The following NRXN1 variants were observed in gnomAD, a reference collection of about 807,000 sequenced individuals.
The protein encoded by NRXN1 is neurexin 1.
NRXN1 carries 39 observed loss-of-function variants against 150.9 expected under a neutral mutation model. That is an observed-to-expected ratio of 0.26 (90% CI 0.20 to 0.34). The LOEUF is 0.34. Among genes scored for constraint, NRXN1 ranks in the 10% least tolerant of loss-of-function variants. The pLI, the probability that NRXN1 is intolerant of heterozygous loss-of-function variation, is 1.00. For synonymous variants in NRXN1, 924 were observed against 757.0 expected, an observed-to-expected ratio of 1.22 and a Z score of -3.62; for missense variants, 1,815 against 1,949.9, an observed-to-expected ratio of 0.93 and a Z score of 1.30.
chr2:49,980,178 G>A (rs1679752685), intron 21 of NRXN1, among the ~76,000 whole-genome samples: 1 of 152,122 alleles, frequency 6.6e-6, no homozygotes, highest in African/African-American at 2.4e-5. Context: ...ATCAGAACTA[G>A]CGTTCCAGAA....
At chr2:50,051,640 A>T (rs1185593669) in intron 21 of NRXN1, among the ~76,000 whole-genome samples, 4 of 152,104 alleles carry the variant, frequency 2.6e-5, no homozygotes, top group Non-Finnish European at 5.9e-5. Flanking sequence ...CTAAAGTCAC[A>T]AGTCTTTATC....
At chr2:50,012,189 C>T (rs547736370) in intron 21 of NRXN1, among the ~76,000 whole-genome samples, 1 of 152,120 alleles carries the variant, frequency 6.6e-6, no homozygotes, top group South Asian at 2.1e-4. Context: ...GAAAACAAAC[C>T]ATCCATGTCT....
intron 12 of NRXN1, among the ~76,000 whole-genome samples, chr2:50,519,932 G>T (rs2092739252): frequency 6.6e-6 from 1 of 151,842 alleles, no homozygotes; most frequent in Admixed American, 6.6e-5. Context: ...AGAAACAATA[G>T]ATTACATTTA....
At chr2:50,765,370 A>T (rs2105411796) in intron 5 of NRXN1, among the ~76,000 whole-genome samples, 1 of 152,172 alleles carries the variant, frequency 6.6e-6, no homozygotes, top group Non-Finnish European at 1.5e-5. Context: ...CTCAGACATC[A>T]GGAAGACAAA....
intron 18 of NRXN1, among the ~76,000 whole-genome samples, chr2:50,104,788 G>A (rs1701420289): frequency 6.6e-6 from 1 of 151,944 alleles, no homozygotes; most frequent in African/African-American, 2.4e-5. Flanking sequence ...GCTCCTCTGA[G>A]GAAGTCCAAC....
At chr2:50,537,344 T>C (rs1315103022) in intron 10 of NRXN1, among the ~76,000 whole-genome samples, 2 of 152,190 alleles carry the variant, frequency 1.3e-5, no homozygotes, top group Admixed American at 6.5e-5. Context: ...AGTTCCATTG[T>C]TGAAAATAAG....
At chr2:49,985,513 T>C (rs992703891) in intron 21 of NRXN1, among the ~76,000 whole-genome samples, 1 of 152,218 alleles carries the variant, frequency 6.6e-6, no homozygotes, top group Non-Finnish European at 1.5e-5. Flanking sequence ...TAGAAAATGT[T>C]AGGCTTTATT....
At chr2:50,385,593 C>T (rs917100897) in intron 17 of NRXN1, among the ~76,000 whole-genome samples, 14 of 152,290 alleles carry the variant, frequency 9.2e-5, no homozygotes, top group African/African-American at 3.4e-4. Flanking sequence ...TATTTCTTTT[C>T]CTGAGCTGCA....
rs553575353 is a variant in NRXN1, at chr2:50,144,175, G to A, written c.3547-52681C>T. On this transcript the variant is annotated intron_variant, in intron 18 of 22. Coordinates refer to ENST00000401669, the MANE Select transcript of NRXN1 (RefSeq NM_001330078.2). ...GGCTCAGCCCAGGAGACAGTTTTGG[G>A]ATCCAAAAAATACCTTTCAGTTTCT... 3.3e-5 allele frequency among the ~76,000 whole-genome samples: 5 copies of A among 151,964 alleles called. No individual in the cohort carries two copies. In the South Asian group the frequency reaches 8.3e-4, roughly 25 times the overall value.
intron 17 of NRXN1, among the ~76,000 whole-genome samples, chr2:50,257,197 G>A (rs1181329105): frequency 1.3e-5 from 2 of 151,952 alleles, no homozygotes; most frequent in African/African-American, 4.8e-5. Flanking sequence ...AACTTTTTCT[G>A]TCAAAACCTT....
intron 18 of NRXN1, among the ~76,000 whole-genome samples, chr2:50,186,735 G>A (rs767397946): frequency 1.2e-4 from 18 of 151,768 alleles, no homozygotes; most frequent in Admixed American, 2.6e-4. Flanking sequence ...TTTAACCAGC[G>A]GAATTTGTGA....
chr2:50,571,118 T>C (rs977191131), intron 8 of NRXN1, among the ~76,000 whole-genome samples: 15 of 152,186 alleles, frequency 9.9e-5, no homozygotes, highest in African/African-American at 3.6e-4. Context: ...GCTTTAGCTA[T>C]AGGCCCAAGG....
chr2:51,001,850 A>C (rs1365286896), intron 2 of NRXN1, among the ~76,000 whole-genome samples: 1 of 151,944 alleles, frequency 6.6e-6, no homozygotes, highest in Non-Finnish European at 1.5e-5. Context: ...CTCCTGAAGC[A>C]CATCACAAAA....
At chr2:50,995,247 C>G (rs1699087058) in intron 2 of NRXN1, among the ~76,000 whole-genome samples, 1 of 151,880 alleles carries the variant, frequency 6.6e-6, no homozygotes, top group African/African-American at 2.4e-5. Context: ...CACTGAGACA[C>G]AGAGAGTAGT....
chr2:50,808,739 A>C (rs929986922), intron 5 of NRXN1, among the ~76,000 whole-genome samples: 1 of 152,126 alleles, frequency 6.6e-6, no homozygotes, highest in Non-Finnish European at 1.5e-5. Context: ...AGATCACTGG[A>C]CTTCACACTT....
At chr2:50,331,926 C>T (rs894006260) in intron 17 of NRXN1, among the ~76,000 whole-genome samples, 3 of 152,140 alleles carry the variant, frequency 2.0e-5, no homozygotes, top group African/African-American at 7.2e-5. Context: ...AATGCAAATT[C>T]TTGAGCCCTA....
chr2:50,302,478 T>A (rs1210552825), intron 17 of NRXN1, among the ~76,000 whole-genome samples: 1 of 152,140 alleles, frequency 6.6e-6, no homozygotes, highest in Non-Finnish European at 1.5e-5. Context: ...AAGTCCACCA[T>A]ACCAAAAGTC....
intron 2 of NRXN1, among the ~76,000 whole-genome samples, chr2:50,944,627 G>A (rs1277091206): frequency 6.6e-6 from 1 of 151,974 alleles, no homozygotes; most frequent in East Asian, 1.9e-4. Flanking sequence ...ACTTCTATCT[G>A]GCAAAAGGAA....
At chr2:50,082,908 T>C (rs1320144525) in intron 19 of NRXN1, among the ~76,000 whole-genome samples, 1 of 152,182 alleles carries the variant, frequency 6.6e-6, no homozygotes, top group East Asian at 1.9e-4. Flanking sequence ...CCAACACGTA[T>C]CTGAAGAAAT....
Sources: gnomAD v4.1 joint callset for allele counts (sites outside exome capture counted in the v4.1 genomes callset) on GRCh38, gnomAD v4.1.1 for gene constraint, MANE v1.5 for transcripts, NCBI Gene and HGNC (gene_info 2026-07-23, HGNC 2026-07-21) for gene names.